GIMAP8: variants seen among roughly 807,000 people sequenced by gnomAD.
GIMAP8 encodes GTPase IMAP family member 8.
In GIMAP8, 29 loss-of-function variants were observed where a neutral mutation model predicts 35.6. That is an observed-to-expected ratio of 0.81 (90% CI 0.61 to 1.11). GIMAP8 has a LOEUF of 1.11. GIMAP8 is among the 50% of genes most tolerant of loss of function. The pLI is 0.00. For synonymous variants in GIMAP8, 335 were observed against 308.7 expected (o/e 1.09, Z -0.89); for missense variants, 811 against 805.0 (o/e 1.01, Z -0.09).
chr7:150,460,655 T>G (rs1366476629), intron 1 of GIMAP8, among the ~76,000 whole-genome samples: 1 of 152,180 alleles, frequency 6.6e-6, no homozygotes, highest in East Asian at 1.9e-4. Context: ...CAGCTCTGAG[T>G]TTTCTCTTCC....
chr7:150,464,030 G>A (rs1467514042), intron 1 of GIMAP8, among the ~76,000 whole-genome samples: 2 of 152,186 alleles, frequency 1.3e-5, no homozygotes, highest in African/African-American at 4.8e-5. Flanking sequence ...TAGGCCCCTG[G>A]GCAGTGTGTA....
chr7:150,476,953 G>A (rs1802242235), intron 4 of GIMAP8, 139 bp from the exon 5 acceptor site: 1 of 653,574 alleles, frequency 1.5e-6, no homozygotes. Context: ...AGATCCCCCT[G>A]CTTGGGTGAG....
rs1801983332 is a variant in GIMAP8 at position 150,467,153 on chromosome 7, A to G, written c.455A>G (p.Lys152Arg). 6.2e-7 allele frequency: 1 copy of G among 1,614,202 alleles called. No homozygotes were observed. The highest frequency in any genetic ancestry group is 1.7e-5 in the Admixed American group (1 of 60,026). ...CTGCAAGATTTCATTGAAAAAAACA[A>G]ACCTCTCAAGCAGTTGGTTCAAGAC... Reference protein sequence around the residue: ...DLLQDFIEKNKPLKQLVQDYE... With the variant: ...DLLQDFIEKNRPLKQLVQDYE... The change falls in exon 2 of 5, where the codon AAA becomes AGA. Residue 152 changes from lysine to arginine, a missense_variant. Lys to Arg is a conservative substitution (Grantham distance 26, BLOSUM62 2). Transcript: ENST00000307271.
Position 150,472,034 on chromosome 7 carries a change from C to T in GIMAP8, c.682+1160C>T, listed in dbSNP as rs1363089995. Among the ~76,000 whole-genome samples, 2 of 152,140 alleles carry T rather than the reference C, an allele frequency of 1.3e-5. No individual in the cohort carries two copies. The highest frequency in any genetic ancestry group is 3.9e-4 in the East Asian group (2 of 5,190). On this transcript the variant is annotated intron_variant, in intron 3 of 4. Coordinates refer to ENST00000307271, the MANE Select transcript of GIMAP8 (RefSeq NM_175571.4). This position sits in a 1 kb window ranked among gnomAD's most constrained non-coding sequence, Gnocchi z 4.1. ...GTGCACTCAGCCAGAAATACGTGTA[C>T]TCAGGCAGAAGGGTTTCAAAATTCT...
intron 2 of GIMAP8, among the ~76,000 whole-genome samples, chr7:150,470,429 G>T (rs541317449): frequency 1.3e-5 from 2 of 152,070 alleles, no homozygotes; most frequent in African/African-American, 2.4e-5. Flanking sequence ...CAGGAGAAGG[G>T]GATGTCAGTT....
At chr7:150,465,036 C>T (rs560174194) in intron 1 of GIMAP8, among the ~76,000 whole-genome samples, 1 of 152,328 alleles carries the variant, frequency 6.6e-6, no homozygotes, top group East Asian at 1.9e-4. Flanking sequence ...ACATTCTTAT[C>T]TGCTTGCTGC....
At position 150,477,742 on chromosome 7, in the gene GIMAP8, G is replaced by A. The variant is rs750008473; in HGVS notation, c.1960G>A (p.Glu654Lys). 5 of 1,612,788 alleles carry A rather than the reference G, an allele frequency of 3.1e-6. No individual in the cohort carries two copies. In the East Asian group the frequency reaches 6.7e-5, roughly 22 times the overall value. ...AAATGTCCAGGAAATGTCCCAAGCC[G>A]AAAAACTCCTTAAAAATTTAATAGG... ...IKNVQEMSQA[E>K]KLLKNLIGIL... Residue 654 changes from glutamate to lysine, a missense_variant, in exon 5 of 5, where the codon GAA becomes AAA. By Grantham distance (56) the Glu-to-Lys change is moderately conservative. Coordinates refer to ENST00000307271, the MANE Select transcript of GIMAP8 (RefSeq NM_175571.4).
At chr7:150,456,377 T>C (rs375171855) in intron 1 of GIMAP8, among the ~76,000 whole-genome samples, 3 of 152,272 alleles carry the variant, frequency 2.0e-5, no homozygotes, top group African/African-American at 7.2e-5. Flanking sequence ...AGAAGCCACC[T>C]TCATCCCCTC....
At chr7:150,471,959 A>G (rs1802102288) in intron 3 of GIMAP8, among the ~76,000 whole-genome samples, 1 of 152,224 alleles carries the variant, frequency 6.6e-6, no homozygotes, top group Admixed American at 6.5e-5. Context: ...AATTCTTGTA[A>G]CAATCTTGTA....
chr7:150,466,705 G>A lies in GIMAP8; in HGVS notation c.7G>A (p.Glu3Lys). The A allele has an allele frequency of 1.2e-6, 2 of 1,613,866 alleles. No individual in the cohort carries two copies. The highest frequency in any genetic ancestry group is 8.5e-7 in the Non-Finnish European group (1 of 1,179,952). The stretch of plus-strand genomic sequence containing the variant: ...GAGCCTGTGTCAGGAAAGCATGTCA[G>A]AGCAGAGCTGCCAGATGTCCGAACT... MS[E>K]QSCQMSELRL... The change falls in exon 2 of 5, where the codon GAG becomes AAG. Residue 3 changes from glutamate to lysine, a missense_variant. Glu to Lys is a moderately conservative substitution (Grantham distance 56). Coordinates refer to ENST00000307271, the MANE Select transcript of GIMAP8 (RefSeq NM_175571.4).
chr7:150,451,729 C>T lies in GIMAP8; in HGVS notation c.-29+554C>T, dbSNP rs1367689070. On this transcript the variant is annotated intron_variant, in intron 1 of 4. Coordinates refer to ENST00000307271, the MANE Select transcript of GIMAP8 (RefSeq NM_175571.4). The surrounding 1 kb of genome is among the most constrained non-coding windows in gnomAD (Gnocchi z 4.1). ...GGGGTGGGGGATGCTGATTTTTCCA[C>T]GTCTGCTTTTCTGATCTTTCCTGCC... is the stretch of plus-strand genomic sequence containing the variant. Among the ~76,000 whole-genome samples, 4 of 152,232 alleles carry T rather than the reference C, an allele frequency of 2.6e-5. No homozygotes were observed. Among genetic ancestry groups the T allele is most frequent in the Admixed American group, 1.3e-4 (2 of 15,288 alleles).
chr7:150,474,210 G>A lies in GIMAP8; in HGVS notation c.881G>A (p.Arg294Lys). The change falls in exon 4 of 5, where the codon AGA becomes AAA. Residue 294 changes from arginine to lysine, a missense_variant. By Grantham distance (26) the Arg-to-Lys change is conservative. Transcript: ENST00000307271. Reference protein sequence around the residue: ...QSFLSESRSWRKKKVSIIDAP... With the variant: ...QSFLSESRSWKKKKVSIIDAP... ...TTCTTGTCTGAGAGCAGAAGCTGGA[G>A]AAAAAAGAAAGTTTCGATCATTGAT... is the stretch of plus-strand genomic sequence containing the variant. 6.2e-7 allele frequency: 1 copy of A among 1,614,110 alleles called. No homozygotes were observed. Among genetic ancestry groups the A allele is most frequent in the Non-Finnish European group, 8.5e-7 (1 of 1,180,012 alleles).
intron 1 of GIMAP8, among the ~76,000 whole-genome samples, chr7:150,465,374 C>G (rs1221633604): frequency 6.6e-6 from 1 of 152,132 alleles, no homozygotes; most frequent in Non-Finnish European, 1.5e-5. Flanking sequence ...CTGGTGTAAC[C>G]CTGTGTGGGA....
intron 1 of GIMAP8, among the ~76,000 whole-genome samples, chr7:150,460,998 C>CTCCA (rs1306773636): frequency 6.6e-6 from 1 of 152,220 alleles, no homozygotes; most frequent in Admixed American, 6.5e-5. Flanking sequence ...CAAGGCTTTG[C>CTCCA]TCCAAAATCT....
rs983428263 is a variant in GIMAP8, at chr7:150,454,992, G to T, written c.-29+3817G>T. Among the ~76,000 whole-genome samples the T allele has an allele frequency of 1.4e-4, 21 of 152,166 alleles. 1 individual carries two copies. Among genetic ancestry groups the T allele is most frequent in the Admixed American group, 1.3e-3 (20 of 15,290 alleles). On this transcript the variant is annotated intron_variant, in intron 1 of 4. Transcript: ENST00000307271. ...CATCTCCATTAAAAATACAAAATTA[G>T]CCAGGTGTGGTGGCGCATGCCTGTA...
At chr7:150,469,261 G>T (rs1403983864) in intron 2 of GIMAP8, among the ~76,000 whole-genome samples, 1 of 152,138 alleles carries the variant, frequency 6.6e-6, no homozygotes, top group African/African-American at 2.4e-5. Flanking sequence ...TACCAGGTTT[G>T]CTTTTATTTC....
intron 2 of GIMAP8, 67 bp from the exon 3 acceptor site, chr7:150,470,762 T>TTG: frequency 1.4e-6 from 1 of 711,328 alleles, no homozygotes; most frequent in Non-Finnish European, 2.2e-6. Flanking sequence ...TTTTTTTTTT[T>TTG]TTTTTTCAGT....
At chr7:150,473,688 C>CTTACCTTTGGTAA (rs1802145896) in intron 3 of GIMAP8, among the ~76,000 whole-genome samples, 1 of 150,794 alleles carries the variant, frequency 6.6e-6, no homozygotes, top group African/African-American at 2.4e-5. Context: ...ACCTTTGGTA[C>CTTACCTTTGGTAA]GTACTTACCT....
intron 1 of GIMAP8, among the ~76,000 whole-genome samples, chr7:150,465,067 G>A (rs554994860): frequency 6.6e-6 from 1 of 152,150 alleles, no homozygotes; most frequent in Non-Finnish European, 1.5e-5. Context: ...TTTATTTGTT[G>A]TTGTTCAGTC....
Sources: allele counts gnomAD v4.1 joint callset (sites outside exome capture counted in the v4.1 genomes callset), GRCh38; gene constraint gnomAD v4.1.1; non-coding constraint Gnocchi (gnomAD v3.1); transcripts MANE v1.5; gene names NCBI Gene and HGNC (gene_info 2026-07-23, HGNC 2026-07-21).